Variants in GRIA1 observed in about 807,000 individuals in gnomAD.
GRIA1 encodes glutamate receptor 1.
GRIA1 carries 31 observed loss-of-function variants against 99.2 expected under a neutral mutation model. That is an observed-to-expected ratio of 0.31 (90% CI 0.23 to 0.42). The LOEUF is 0.42. GRIA1 is among the 10% of genes least tolerant of loss of function. The pLI is 1.00. For synonymous variants in GRIA1, 438 were observed against 432.4 expected (o/e 1.01, Z -0.16); for missense variants, 782 against 1,157.5 (o/e 0.68, Z 4.71).
intron 2 of GRIA1, among the ~76,000 whole-genome samples, chr5:153,632,714 C>A (rs1186437408): frequency 1.3e-5 from 2 of 152,142 alleles, no homozygotes; most frequent in African/African-American, 4.8e-5. Context: ...CGTTATTGAA[C>A]ATCTACTATG....
At chr5:153,502,989 A>T (rs970759792) in intron 2 of GRIA1, among the ~76,000 whole-genome samples, 1 of 152,184 alleles carries the variant, frequency 6.6e-6, no homozygotes, top group South Asian at 2.1e-4. Context: ...GTCTTATAAC[A>T]TGATTTTTTG....
intron 2 of GRIA1, among the ~76,000 whole-genome samples, chr5:153,556,575 C>T (rs1421069131): frequency 6.6e-6 from 1 of 152,254 alleles, no homozygotes; most frequent in African/African-American, 2.4e-5. Flanking sequence ...CAAGAATAAA[C>T]ATTACTAGTA....
chr5:153,607,275 C>A (rs1765542905), intron 2 of GRIA1, among the ~76,000 whole-genome samples: 1 of 151,650 alleles, frequency 6.6e-6, no homozygotes, highest in South Asian at 2.1e-4. Flanking sequence ...CATATTTTCT[C>A]TCAAATTATT....
At chr5:153,726,563 C>T (rs1479860597) in intron 11 of GRIA1, among the ~76,000 whole-genome samples, 5 of 152,028 alleles carry the variant, frequency 3.3e-5, no homozygotes, top group African/African-American at 1.2e-4. Flanking sequence ...GGGGATATCA[C>T]CACCAATCCC....
At chr5:153,610,330 A>C (rs569968288) in intron 2 of GRIA1, among the ~76,000 whole-genome samples, 1 of 152,194 alleles carries the variant, frequency 6.6e-6, no homozygotes, top group East Asian at 1.9e-4. Context: ...AGGATGTTCA[A>C]CTCTCCCTTT....
At chr5:153,604,583 C>A (rs895669655) in intron 2 of GRIA1, among the ~76,000 whole-genome samples, 1 of 152,172 alleles carries the variant, frequency 6.6e-6, no homozygotes, top group Non-Finnish European at 1.5e-5. Context: ...TTGTGCCCAT[C>A]CCTAGCTCTA....
At chr5:153,752,416 A>G (rs1350371193) in intron 11 of GRIA1, among the ~76,000 whole-genome samples, 1 of 152,150 alleles carries the variant, frequency 6.6e-6, no homozygotes, top group African/African-American at 2.4e-5. Context: ...CTTACTTGTC[A>G]TGTAACTAAG....
intron 7 of GRIA1, among the ~76,000 whole-genome samples, chr5:153,685,081 G>A (rs1472089185): frequency 6.6e-6 from 1 of 152,178 alleles, no homozygotes; most frequent in East Asian, 1.9e-4. Context: ...ACTCTGCAAA[G>A]CTTCCTTTTA....
chr5:153,711,253 G>A (rs1270074555), intron 11 of GRIA1, among the ~76,000 whole-genome samples: 2 of 152,208 alleles, frequency 1.3e-5, no homozygotes, highest in Admixed American at 6.5e-5. Flanking sequence ...GGGGAGCTAT[G>A]AGGAAAATGA....
At chr5:153,606,877 A>G (rs1387175686) in intron 2 of GRIA1, among the ~76,000 whole-genome samples, 1 of 104,248 alleles carries the variant, frequency 9.6e-6, no homozygotes, top group Non-Finnish European at 2.1e-5. Flanking sequence ...TAGTACTTTA[A>G]GATGTTTTTC....
chr5:153,561,334 C>T (rs1298057899), intron 2 of GRIA1, among the ~76,000 whole-genome samples: 13 of 152,108 alleles, frequency 8.5e-5, no homozygotes, highest in African/African-American at 2.2e-4. Context: ...AGCCTGGACC[C>T]GTACTCAAGG....
rs541225834 is a variant in GRIA1, at chr5:153,603,396, G to A, written c.221-43532G>A. 2.6e-5 allele frequency among the ~76,000 whole-genome samples: 4 copies of A among 152,230 alleles called. No homozygotes were observed. The South Asian group carries it at 8.3e-4, about 32-fold the overall frequency. On this transcript the variant is annotated intron_variant, in intron 2 of 15. Coordinates refer to ENST00000285900, the MANE Select transcript of GRIA1 (RefSeq NM_000827.4). Reference sequence around the variant, plus strand: ...CACAATAAACATAACGTGTGCATGTGTCTTTATAGCAGCATGATTTATAGC... The same window carrying A: ...CACAATAAACATAACGTGTGCATGTATCTTTATAGCAGCATGATTTATAGC...
chr5:153,606,851 T>A (rs1315361717), intron 2 of GRIA1, among the ~76,000 whole-genome samples: 2 of 150,820 alleles, frequency 1.3e-5, no homozygotes, highest in South Asian at 4.3e-4. Flanking sequence ...CCATAATATC[T>A]CCTTATTCAG....
At chr5:153,652,268 T>A (rs1167984525) in intron 4 of GRIA1, among the ~76,000 whole-genome samples, 4 of 152,080 alleles carry the variant, frequency 2.6e-5, no homozygotes, top group Non-Finnish European at 5.9e-5. Context: ...CAAATGATAA[T>A]GACATATTAA....
chr5:153,729,182 A>C (rs1202671871), intron 11 of GRIA1, among the ~76,000 whole-genome samples: 1 of 151,384 alleles, frequency 6.6e-6, no homozygotes, highest in Non-Finnish European at 1.5e-5. Flanking sequence ...GGAATTGAAC[A>C]ATGAGAACAC....
intron 2 of GRIA1, among the ~76,000 whole-genome samples, chr5:153,554,975 C>T (rs2149345545): frequency 6.6e-6 from 1 of 152,274 alleles, no homozygotes; most frequent in Non-Finnish European, 1.5e-5. Flanking sequence ...TTGTGCCATA[C>T]TTCTACTCAG....
intron 2 of GRIA1, among the ~76,000 whole-genome samples, chr5:153,507,137 A>G (rs1461743875): frequency 1.3e-5 from 2 of 152,126 alleles, no homozygotes; most frequent in Non-Finnish European, 2.9e-5. Flanking sequence ...AATAATAATA[A>G]TAAATAAATA....
At chr5:153,667,987 C>T (rs1755869438) in intron 5 of GRIA1, among the ~76,000 whole-genome samples, 1 of 152,196 alleles carries the variant, frequency 6.6e-6, no homozygotes, top group Admixed American at 6.5e-5. Context: ...CATCATTGTA[C>T]TCAAATGCCT....
intron 11 of GRIA1, among the ~76,000 whole-genome samples, chr5:153,733,070 G>A (rs2149561682): frequency 6.6e-6 from 1 of 151,056 alleles, no homozygotes; most frequent in East Asian, 1.9e-4. Flanking sequence ...TAGTATAAAG[G>A]CTAAAAGATA....
Sources: gnomAD v4.1 joint callset for allele counts (sites outside exome capture counted in the v4.1 genomes callset) on GRCh38, gnomAD v4.1.1 for gene constraint, MANE v1.5 for transcripts, NCBI Gene and HGNC (gene_info 2026-07-23, HGNC 2026-07-21) for gene names.